SETBP1: variants seen among roughly 807,000 people sequenced by gnomAD.
The protein encoded by SETBP1 is SET-binding protein.
In SETBP1, 9 loss-of-function variants were observed where a neutral mutation model predicts 101.0. The ratio of observed to expected loss-of-function variants is 0.09; its 90% CI spans 0.05 to 0.16. SETBP1 has a LOEUF of 0.16. Among genes scored for constraint, SETBP1 ranks in the 10% least tolerant of loss-of-function variants. The pLI, the probability that SETBP1 is intolerant of heterozygous loss-of-function variation, is 1.00. For synonymous variants in SETBP1, 818 were observed against 788.5 expected (o/e 1.04, Z -0.63); for missense variants, 1,858 against 2,033.8 (o/e 0.91, Z 1.66).
intron 2 of SETBP1, among the ~76,000 whole-genome samples, chr18:44,769,448 T>A (rs1016076322): frequency 6.6e-6 from 1 of 152,248 alleles, no homozygotes; most frequent in Admixed American, 6.5e-5. Flanking sequence ...CTGCTCTTAC[T>A]GAATGATGAT....
At chr18:44,912,884 T>G (rs1245877475) in intron 3 of SETBP1, among the ~76,000 whole-genome samples, 1 of 152,166 alleles carries the variant, frequency 6.6e-6, no homozygotes, top group African/African-American at 2.4e-5. Context: ...TAACCAAGGA[T>G]GCAGTGGGGA....
At position 44,991,671 on chromosome 18, in the gene SETBP1, T is replaced by A. The variant is rs80004734; in HGVS notation, c.4000+38331T>A. On this transcript the variant is annotated intron_variant, in intron 4 of 5. Transcript: ENST00000649279. ...AAAGTAAAGATGACAAAGGAGAAAT[T>A]CACAAACTTGATCTTCGAATGGAAC... Among the ~76,000 whole-genome samples, 413 of 152,276 alleles carry A rather than the reference T, an allele frequency of 2.7e-3. 2 individuals are homozygous for A. The highest frequency in any genetic ancestry group is 9.6e-3 in the African/African-American group (398 of 41,554).
At chr18:44,904,057 A>G (rs1294990634) in intron 3 of SETBP1, among the ~76,000 whole-genome samples, 3 of 152,218 alleles carry the variant, frequency 2.0e-5, no homozygotes, top group Non-Finnish European at 2.9e-5. Flanking sequence ...CAGGCAACTC[A>G]TACATATTTG....
At chr18:44,938,394 T>C (rs2071010863) in intron 3 of SETBP1, among the ~76,000 whole-genome samples, 1 of 152,230 alleles carries the variant, frequency 6.6e-6, no homozygotes, top group South Asian at 2.1e-4. Flanking sequence ...ATAGAAACAA[T>C]CAATGATGTA....
chr18:44,732,871 A>G (rs1280821870), intron 2 of SETBP1: 1 of 152,234 alleles, frequency 6.6e-6, no homozygotes, highest in Non-Finnish European at 1.5e-5. Context: ...TGCGGCAAAC[A>G]GAGCTTACAG....
chr18:45,001,953 A>G (rs1233480625), intron 4 of SETBP1, among the ~76,000 whole-genome samples: 1 of 152,120 alleles, frequency 6.6e-6, no homozygotes, highest in Non-Finnish European at 1.5e-5. Context: ...GAATCTCCAG[A>G]TCTCATGCAT....
intron 1 of SETBP1, among the ~76,000 whole-genome samples, chr18:44,689,099 G>A (rs1259137730): frequency 6.6e-6 from 1 of 152,152 alleles, no homozygotes; most frequent in South Asian, 2.1e-4. Context: ...TCAGGCCTAG[G>A]GTATAGTCAG....
intron 3 of SETBP1, among the ~76,000 whole-genome samples, chr18:44,932,647 C>T (rs996060952): frequency 2.0e-5 from 3 of 152,002 alleles, no homozygotes; most frequent in Admixed American, 6.5e-5. Flanking sequence ...TCTTTTTACT[C>T]TTTTTTTTCT....
chr18:44,898,384 G>A (rs2069958171), intron 3 of SETBP1, among the ~76,000 whole-genome samples: 1 of 152,162 alleles, frequency 6.6e-6, no homozygotes, highest in Admixed American at 6.5e-5. Flanking sequence ...AATATAGATA[G>A]AGAGATATAG....
At chr18:44,881,359 G>A (rs1186425447) in intron 3 of SETBP1, among the ~76,000 whole-genome samples, 1 of 152,152 alleles carries the variant, frequency 6.6e-6, no homozygotes, top group Non-Finnish European at 1.5e-5. Flanking sequence ...AAGAGGAGAC[G>A]GGAGGGTGCT....
At chr18:44,817,361 C>T (rs906555267) in intron 2 of SETBP1, among the ~76,000 whole-genome samples, 9 of 152,064 alleles carry the variant, frequency 5.9e-5, no homozygotes, top group African/African-American at 2.2e-4. Flanking sequence ...CGTTGTCAGA[C>T]CACCTCCACG....
intron 2 of SETBP1, among the ~76,000 whole-genome samples, chr18:44,763,789 T>C (rs1285059431): frequency 6.6e-6 from 1 of 152,222 alleles, no homozygotes; most frequent in Non-Finnish European, 1.5e-5. Flanking sequence ...CCTTGGCTTC[T>C]GGGACACCGC....
At chr18:44,812,192 C>T (rs1357634739) in intron 2 of SETBP1, among the ~76,000 whole-genome samples, 2 of 152,200 alleles carry the variant, frequency 1.3e-5, no homozygotes, top group Non-Finnish European at 1.5e-5. Flanking sequence ...GTCCTGCTAT[C>T]CCATGGCACA....
At chr18:44,998,651 T>C (rs1239418815) in intron 4 of SETBP1, among the ~76,000 whole-genome samples, 1 of 152,202 alleles carries the variant, frequency 6.6e-6, no homozygotes, top group Non-Finnish European at 1.5e-5. Flanking sequence ...CCCACCAATG[T>C]GTCTTCTGCC....
chr18:44,838,545 G>A (rs1269540652), intron 2 of SETBP1, among the ~76,000 whole-genome samples: 1 of 152,196 alleles, frequency 6.6e-6, no homozygotes, highest in Non-Finnish European at 1.5e-5. Flanking sequence ...AAGCTAGGTA[G>A]CCCTTGGGGT....
intron 2 of SETBP1, among the ~76,000 whole-genome samples, chr18:44,780,486 C>G (rs780161522): frequency 5.9e-5 from 9 of 152,184 alleles, no homozygotes; most frequent in Non-Finnish European, 1.2e-4. Flanking sequence ...TTAGGACATG[C>G]TCATTTGTTC....
chr18:44,702,291 C>A (rs1344376627), intron 2 of SETBP1, among the ~76,000 whole-genome samples: 1 of 152,082 alleles, frequency 6.6e-6, no homozygotes, highest in Non-Finnish European at 1.5e-5. Flanking sequence ...GTGGCAGAGG[C>A]AGAAGAAAAT....
chr18:45,009,811 G>A (rs952630675), intron 4 of SETBP1, among the ~76,000 whole-genome samples: 1 of 152,120 alleles, frequency 6.6e-6, no homozygotes, highest in African/African-American at 2.4e-5. Context: ...CTGGAGCTAG[G>A]ACCCCAGATC....
At chr18:44,715,574 T>C (rs2069444419) in intron 2 of SETBP1, among the ~76,000 whole-genome samples, 1 of 152,034 alleles carries the variant, frequency 6.6e-6, no homozygotes, top group African/African-American at 2.4e-5. Flanking sequence ...CCATCTGTGT[T>C]TGCTCATATT....
Sources: gnomAD v4.1 joint callset for allele counts (sites outside exome capture counted in the v4.1 genomes callset) on GRCh38, gnomAD v4.1.1 for gene constraint, MANE v1.5 for transcripts, NCBI Gene and HGNC (gene_info 2026-07-23, HGNC 2026-07-21) for gene names.